Variants in GRAMD1B observed in about 807,000 individuals in gnomAD.
GRAMD1B encodes protein Aster-B.
GRAMD1B carries 37 observed loss-of-function variants against 99.7 expected under a neutral mutation model. That is an observed-to-expected ratio of 0.37 (90% CI 0.29 to 0.49). GRAMD1B has a LOEUF of 0.49. Ranked by LOEUF, GRAMD1B falls within the 20% of genes least tolerant of loss-of-function variation. The pLI, the probability that GRAMD1B is intolerant of heterozygous loss-of-function variation, is 0.98. For synonymous variants in GRAMD1B, 427 were observed against 387.6 expected (o/e 1.10, Z -1.19); for missense variants, 888 against 1,009.2 (o/e 0.88, Z 1.63).
At chr11:123,564,117 C>A (rs953255261) in intron 2 of GRAMD1B, among the ~76,000 whole-genome samples, 5 of 152,218 alleles carry the variant, frequency 3.3e-5, no homozygotes, top group Admixed American at 1.3e-4. Context: ...ACTTCTCCCC[C>A]ACCTGCACAG....
chr11:123,558,921 A>G (rs1483924114), intron 2 of GRAMD1B, among the ~76,000 whole-genome samples: 2 of 152,268 alleles, frequency 1.3e-5, no homozygotes, highest in African/African-American at 4.8e-5. Flanking sequence ...TTTTGCCAAC[A>G]GATGCCCAAG....
rs544623846 is a variant in GRAMD1B, at chr11:123,545,387, C to A, written c.453-31980C>A. ...CAATAAGCACACCACAGTTTGAGAA[C>A]CACTGACTTAGTGATTCCCAAACCT... On this transcript the variant is annotated intron_variant, in intron 2 of 19. Transcript: ENST00000635736. Among the ~76,000 whole-genome samples, 476 of 152,374 alleles carry A rather than the reference C, an allele frequency of 3.1e-3. 1 individual carries two copies. The highest frequency in any genetic ancestry group is 3.9e-3 in the Non-Finnish European group (268 of 68,034).
intron 2 of GRAMD1B, among the ~76,000 whole-genome samples, chr11:123,523,682 A>C (rs1034608771): frequency 6.6e-6 from 1 of 151,828 alleles, no homozygotes; most frequent in African/African-American, 2.4e-5. Context: ...ATGAGAATAC[A>C]GTATTCACGT....
upstream of GRAMD1B, among the ~76,000 whole-genome samples, chr11:123,428,525 C>T (rs1359223134): frequency 6.6e-6 from 1 of 152,220 alleles, no homozygotes; most frequent in Non-Finnish European, 1.5e-5. Flanking sequence ...GCCGCAGTAT[C>T]TCTCTCCCTG....
At chr11:123,471,073 G>A (rs1054857065) in intron 1 of GRAMD1B, among the ~76,000 whole-genome samples, 1 of 152,170 alleles carries the variant, frequency 6.6e-6, no homozygotes, top group Non-Finnish European at 1.5e-5. Context: ...ATCTTTGGGA[G>A]TTATCAGCAT....
In GRAMD1B at chr11:123,497,607, G is replaced by A. The variant is rs571110190; in HGVS notation, c.452+16714G>A. On this transcript the variant is annotated intron_variant, in intron 2 of 19. Coordinates refer to ENST00000635736, the MANE Select transcript of GRAMD1B (RefSeq NM_001387025.1). ...AATTTACCTGGTGTTCTATTCTACT[G>A]CAGCTAAGCTGGCAGCCAGGTGCTG... is the stretch of plus-strand genomic sequence containing the variant. Among the ~76,000 whole-genome samples the A allele has an allele frequency of 6.6e-5, 10 of 152,258 alleles. No individual in the cohort carries two copies. In the South Asian group the frequency reaches 2.1e-3, roughly 32 times the overall value.
intron 1 of GRAMD1B, among the ~76,000 whole-genome samples, chr11:123,463,819 T>A (rs1033823282): frequency 6.6e-6 from 1 of 152,144 alleles, no homozygotes; most frequent in Non-Finnish European, 1.5e-5. Context: ...GGAATGAATG[T>A]GCATGGGAGA....
intron 2 of GRAMD1B, among the ~76,000 whole-genome samples, chr11:123,485,677 G>A (rs763542923): frequency 4.0e-5 from 6 of 151,478 alleles, no homozygotes; most frequent in Non-Finnish European, 7.4e-5. Context: ...TAACTTCCCC[G>A]AAGTGTGTGT....
intron 7 of GRAMD1B, chr11:123,598,604 C>G: frequency 6.7e-7 from 1 of 1,500,250 alleles, no homozygotes; most frequent in Non-Finnish European, 9.3e-7. Context: ...TGAATAGTCT[C>G]TGGGCTCGCT....
intron 1 of GRAMD1B, among the ~76,000 whole-genome samples, chr11:123,466,499 GAA>G (rs781781088): frequency 6.6e-6 from 1 of 152,094 alleles, no homozygotes; most frequent in Non-Finnish European, 1.5e-5. Flanking sequence ...AAGAAAGAAA[GAA>G]AAAGATTGAC....
intron 1 of GRAMD1B, among the ~76,000 whole-genome samples, chr11:123,394,339 G>A (rs536073579): frequency 6.6e-6 from 1 of 152,228 alleles, no homozygotes; most frequent in East Asian, 1.9e-4. Flanking sequence ...ATACCATTTT[G>A]TGTCTCTCAA....
intron 1 of GRAMD1B, among the ~76,000 whole-genome samples, chr11:123,378,135 G>A (rs758854636): frequency 6.6e-6 from 1 of 152,212 alleles, no homozygotes; most frequent in Non-Finnish European, 1.5e-5. Flanking sequence ...GGAGGTAGTC[G>A]AAGGTGCTAT....
At position 123,523,401 on chromosome 11, in the gene GRAMD1B, A is replaced by T. The variant is rs113043057; in HGVS notation, c.452+42508A>T. ...TGTCATTATCTGAAAATCATGAGGT[A>T]CTGCCTTATAACATGGATGTGAAGA... On this transcript the variant is annotated intron_variant, in intron 2 of 19. Transcript: ENST00000635736. Among the ~76,000 whole-genome samples the T allele has an allele frequency of 4.0e-3, 612 of 152,324 alleles. 1 individual carries two copies. The highest frequency in any genetic ancestry group is 5.6e-3 in the Non-Finnish European group (379 of 68,028).
intron 1 of GRAMD1B, among the ~76,000 whole-genome samples, chr11:123,445,403 T>G (rs1949592341): frequency 1.3e-5 from 2 of 152,230 alleles, no homozygotes; most frequent in Non-Finnish European, 2.9e-5. Flanking sequence ...AAGGTCATTC[T>G]GTACAGGGTG....
intron 2 of GRAMD1B, among the ~76,000 whole-genome samples, chr11:123,493,330 C>T (rs551874611): frequency 3.9e-5 from 6 of 152,286 alleles, no homozygotes; most frequent in South Asian, 2.1e-4. Context: ...TGTGTCTGGA[C>T]GTAGCACACA....
At chr11:123,377,332 G>T (rs765498873) in intron 1 of GRAMD1B, among the ~76,000 whole-genome samples, 24 of 152,190 alleles carry the variant, frequency 1.6e-4, no homozygotes, top group Non-Finnish European at 2.9e-4. Context: ...TCTCACTCAT[G>T]TGAACTTAAT....
At chr11:123,435,352 ATTTCT>A in intron 1 of GRAMD1B, 1 of 691,912 alleles carries the variant, frequency 1.4e-6, no homozygotes, top group Non-Finnish European at 2.6e-6. Flanking sequence ...TAGCTTGTGG[ATTTCT>A]TTTAATTTTT....
chr11:123,584,006 G>A (rs1017086263), intron 3 of GRAMD1B, among the ~76,000 whole-genome samples: 1 of 152,028 alleles, frequency 6.6e-6, no homozygotes, highest in Non-Finnish European at 1.5e-5. Context: ...CCCACAGCGC[G>A]CCCCTCACCC....
At chr11:123,549,988 C>T (rs773843868) in intron 2 of GRAMD1B, among the ~76,000 whole-genome samples, 6 of 152,148 alleles carry the variant, frequency 3.9e-5, no homozygotes, top group Non-Finnish European at 7.3e-5. Flanking sequence ...TAGGTACACC[C>T]AGACAGGACC....
Sources: allele counts gnomAD v4.1 joint callset (sites outside exome capture counted in the v4.1 genomes callset), GRCh38; gene constraint gnomAD v4.1.1; transcripts MANE v1.5; gene names NCBI Gene and HGNC (gene_info 2026-07-23, HGNC 2026-07-21).